FHIP1A: variants seen among roughly 807,000 people sequenced by gnomAD.
FHIP1A encodes FHF complex subunit HOOK interacting protein 1A.
FHIP1A carries 61 observed loss-of-function variants against 88.6 expected under a neutral mutation model. The observed-to-expected ratio is 0.69, with a 90% CI of 0.56 to 0.85. FHIP1A has a LOEUF of 0.85. Among genes scored for constraint, FHIP1A ranks in the 40% least tolerant of loss-of-function variants. The pLI is 0.00. For missense variants in FHIP1A, 1,154 were observed against 1,273.5 expected, an observed-to-expected ratio of 0.91 and a Z score of 1.43; for synonymous variants, 478 against 496.0, an observed-to-expected ratio of 0.96 and a Z score of 0.48.
chr4:151,503,548 T>G (rs538134789), intron 3 of FHIP1A, among the ~76,000 whole-genome samples: 1 of 152,030 alleles, frequency 6.6e-6, no homozygotes, highest in Admixed American at 6.6e-5. Context: ...AGGTTCTAAT[T>G]GCATTTCTAA....
chr4:151,421,785 A>AC (rs1348621780), intron 1 of FHIP1A, among the ~76,000 whole-genome samples: 1 of 152,038 alleles, frequency 6.6e-6, no homozygotes, highest in Non-Finnish European at 1.5e-5. Flanking sequence ...CAAGCCATAC[A>AC]ACTATCGCCT....
At chr4:151,521,662 C>T (rs1359063506) in intron 3 of FHIP1A, among the ~76,000 whole-genome samples, 3 of 151,338 alleles carry the variant, frequency 2.0e-5, no homozygotes, top group African/African-American at 7.3e-5. Context: ...GCTTCCTTTC[C>T]GGGTATGTCA....
At chr4:151,422,634 G>A (rs924677696) in intron 1 of FHIP1A, among the ~76,000 whole-genome samples, 5 of 152,050 alleles carry the variant, frequency 3.3e-5, no homozygotes, top group South Asian at 2.1e-4. Context: ...CAAGTGATTC[G>A]CCTGCCTCAG....
In FHIP1A at chr4:151,646,623, A is replaced by C. The variant is rs1736804866; in HGVS notation, c.1292A>C (p.Tyr431Ser). 1 of 1,551,380 alleles carries C rather than the reference A, an allele frequency of 6.4e-7. No individual in the cohort carries two copies. The highest frequency in any genetic ancestry group is 1.4e-5 in the African/African-American group (1 of 73,078). ...TGGGCTGTGAAGGAGAGAGACTGTTACTCTGTTTCTGCGGCCAAGCTTCTC... is the reference window on the plus strand; with the variant it reads ...TGGGCTGTGAAGGAGAGAGACTGTTCCTCTGTTTCTGCGGCCAAGCTTCTC... Reference protein sequence around the residue: ...QRWAVKERDCYSVSAAKLLAL... With the variant: ...QRWAVKERDCSSVSAAKLLAL... Residue 431 changes from tyrosine (Y) to serine (S), a missense_variant, in exon 10 of 14, where the codon TAC becomes TCC. Physicochemically the swap from Tyr to Ser is moderately radical, Grantham distance 144 (BLOSUM62 -2). Transcript: ENST00000435205.
At chr4:151,517,737 C>T (rs186190772) in intron 3 of FHIP1A, among the ~76,000 whole-genome samples, 209 of 152,066 alleles carry the variant, frequency 1.4e-3, no homozygotes, top group African/African-American at 4.8e-3. Context: ...TGACCATGTG[C>T]AAGCCTAGGC....
At chr4:151,551,922 A>G (rs1732750666) in intron 3 of FHIP1A, among the ~76,000 whole-genome samples, 1 of 152,212 alleles carries the variant, frequency 6.6e-6, no homozygotes, top group African/African-American at 2.4e-5. Flanking sequence ...AATTTTTGCA[A>G]TCTACCCATC....
At chr4:151,578,628 C>G (rs1292242766) in intron 5 of FHIP1A, among the ~76,000 whole-genome samples, 1 of 152,166 alleles carries the variant, frequency 6.6e-6, no homozygotes, top group African/African-American at 2.4e-5. Flanking sequence ...GGAGTAGAAA[C>G]TCTCATTTGT....
intron 3 of FHIP1A, among the ~76,000 whole-genome samples, chr4:151,545,472 G>A (rs1245250390): frequency 6.8e-6 from 1 of 147,496 alleles, no homozygotes; most frequent in African/African-American, 2.5e-5. Flanking sequence ...CTGCCTCCCG[G>A]GTTCAAGCAA....
intron 4 of FHIP1A, among the ~76,000 whole-genome samples, chr4:151,575,730 T>C (rs572812769): frequency 6.6e-6 from 1 of 152,340 alleles, no homozygotes; most frequent in African/African-American, 2.4e-5. Context: ...TCTGTAAGGA[T>C]GGACTTGCCT....
intron 3 of FHIP1A, among the ~76,000 whole-genome samples, chr4:151,496,927 T>G (rs1297579282): frequency 1.3e-5 from 2 of 151,756 alleles, no homozygotes; most frequent in Admixed American, 1.3e-4. Context: ...ATGAAAAACA[T>G]GTTAAATATA....
intron 1 of FHIP1A, among the ~76,000 whole-genome samples, chr4:151,440,032 A>G (rs532470244): frequency 6.6e-6 from 1 of 152,338 alleles, no homozygotes; most frequent in East Asian, 1.9e-4. Flanking sequence ...TAATTGACTC[A>G]CAGTTCTGCA....
chr4:151,500,845 A>T (rs1730625107), intron 3 of FHIP1A, among the ~76,000 whole-genome samples: 1 of 152,186 alleles, frequency 6.6e-6, no homozygotes, highest in South Asian at 2.1e-4. Context: ...GGAGGTGTTA[A>T]ATTATATATT....
chr4:151,475,918 A>G (rs919047542), intron 2 of FHIP1A, among the ~76,000 whole-genome samples: 1 of 149,886 alleles, frequency 6.7e-6, no homozygotes, highest in Non-Finnish European at 1.5e-5. Flanking sequence ...CTGGAGTGCA[A>G]TGGCATAGTC....
At chr4:151,569,279 C>A (rs561796242) in intron 4 of FHIP1A, among the ~76,000 whole-genome samples, 46 of 152,272 alleles carry the variant, frequency 3.0e-4, no homozygotes, top group African/African-American at 1.1e-3. Context: ...GTTGGCCGGG[C>A]GCTGTGGCTC....
Position 151,578,094 on chromosome 4 carries a change from G to C in FHIP1A, c.732+18G>C. Reference sequence around the variant, plus strand: ...TTTGTCCAGTAAGTCTCTTTCCTTGGCATGTTTTCCACTCACTCCCTTTTT... The same window carrying C: ...TTTGTCCAGTAAGTCTCTTTCCTTGCCATGTTTTCCACTCACTCCCTTTTT... On this transcript the variant is annotated intron_variant, in intron 5 of 13. Coordinates refer to ENST00000435205, the MANE Select transcript of FHIP1A (RefSeq NM_001109977.3). 1 of 1,540,476 alleles carries C rather than the reference G, an allele frequency of 6.5e-7. No homozygotes were observed. Among genetic ancestry groups the C allele is most frequent in the Non-Finnish European group, 8.8e-7 (1 of 1,141,750 alleles).
At chr4:151,621,959 G>T (rs914959934) in intron 7 of FHIP1A, among the ~76,000 whole-genome samples, 1 of 152,134 alleles carries the variant, frequency 6.6e-6, no homozygotes, top group African/African-American at 2.4e-5. Flanking sequence ...GCTAAGGAAG[G>T]CATCCCCAAC....
intron 5 of FHIP1A, among the ~76,000 whole-genome samples, chr4:151,585,980 T>A (rs542947279): frequency 1.3e-5 from 2 of 152,238 alleles, no homozygotes; most frequent in South Asian, 4.2e-4. Context: ...GCTTGAATCT[T>A]GTCATCACAT....
intron 7 of FHIP1A, among the ~76,000 whole-genome samples, chr4:151,594,959 A>G (rs915416495): frequency 1.3e-5 from 2 of 152,014 alleles, no homozygotes; most frequent in African/African-American, 4.8e-5. Context: ...TATTTTGTTA[A>G]TCTTTTCAAA....
At chr4:151,547,015 A>G (rs1165459588) in intron 3 of FHIP1A, among the ~76,000 whole-genome samples, 2 of 151,910 alleles carry the variant, frequency 1.3e-5, no homozygotes, top group Admixed American at 1.3e-4. Flanking sequence ...TAGTTTGAAA[A>G]CTGCATGGCA....
Sources: allele counts gnomAD v4.1 joint callset (sites outside exome capture counted in the v4.1 genomes callset), GRCh38; gene constraint gnomAD v4.1.1; transcripts MANE v1.5; gene names NCBI Gene and HGNC (gene_info 2026-07-23, HGNC 2026-07-21).